MACROD2: variants seen among roughly 807,000 people sequenced by gnomAD.
MACROD2 encodes the protein ADP-ribose glycohydrolase MACROD2.
Under a neutral mutation model 70.4 loss-of-function variants are expected in MACROD2, and 36 were observed. The observed-to-expected ratio is 0.51, with a 90% CI of 0.39 to 0.68. The LOEUF (loss-of-function observed/expected upper bound fraction) is 0.68, where lower values mean the gene tolerates loss of function less well. Ranked by LOEUF, MACROD2 falls within the 30% of genes least tolerant of loss-of-function variation. The pLI is 0.00. For synonymous variants in MACROD2, 172 were observed against 178.8 expected, an observed-to-expected ratio of 0.96 and a Z score of 0.30; for missense variants, 496 against 538.4, an observed-to-expected ratio of 0.92 and a Z score of 0.78.
intron 3 of MACROD2, among the ~76,000 whole-genome samples, chr20:14,238,684 G>A (rs767209907): frequency 6.6e-6 from 1 of 152,004 alleles, no homozygotes; most frequent in South Asian, 2.1e-4. Context: ...AAAGCTCCTT[G>A]AGCTGATAAA....
chr20:14,504,883 C>T (rs1040689081), intron 4 of MACROD2, among the ~76,000 whole-genome samples: 7 of 152,090 alleles, frequency 4.6e-5, no homozygotes, highest in East Asian at 1.9e-4. Context: ...AATCATTATT[C>T]GGTGTACAAC....
chr20:15,204,748 A>G (rs2076686727), intron 5 of MACROD2, among the ~76,000 whole-genome samples: 1 of 152,132 alleles, frequency 6.6e-6, no homozygotes, highest in Non-Finnish European at 1.5e-5. Context: ...GTTGGAAAAC[A>G]TTTGTTAGGC....
chr20:15,450,166 T>C (rs1331272305), intron 7 of MACROD2, among the ~76,000 whole-genome samples: 2 of 152,096 alleles, frequency 1.3e-5, no homozygotes, highest in East Asian at 1.9e-4. Context: ...CTGTATATTA[T>C]ATATAGTATG....
intron 8 of MACROD2, among the ~76,000 whole-genome samples, chr20:15,556,490 A>G (rs2048171300): frequency 6.6e-6 from 1 of 152,128 alleles, no homozygotes; most frequent in Non-Finnish European, 1.5e-5. Flanking sequence ...GCAATTATAT[A>G]CTACTTTCTA....
intron 8 of MACROD2, among the ~76,000 whole-genome samples, chr20:15,843,649 A>AT (rs1308043068): frequency 6.6e-6 from 1 of 151,932 alleles, no homozygotes; most frequent in Non-Finnish European, 1.5e-5. Context: ...TCATGGTAGA[A>AT]TTTTTTTTGG....
chr20:15,808,547 A>G (rs1241124337), intron 8 of MACROD2, among the ~76,000 whole-genome samples: 2 of 152,094 alleles, frequency 1.3e-5, no homozygotes, highest in African/African-American at 2.4e-5. Context: ...TCAACTTACT[A>G]TTTTACTTAT....
At chr20:15,436,866 T>C (rs1018736724) in intron 7 of MACROD2, among the ~76,000 whole-genome samples, 4 of 152,190 alleles carry the variant, frequency 2.6e-5, no homozygotes, top group African/African-American at 9.7e-5. Flanking sequence ...TTAGAATCAT[T>C]TCCTGGTGGC....
intron 5 of MACROD2, among the ~76,000 whole-genome samples, chr20:14,749,919 AG>A (rs144859085): frequency 1.6e-4 from 24 of 152,226 alleles, no homozygotes; most frequent in African/African-American, 5.5e-4. Flanking sequence ...AGGGGCTAGG[AG>A]GATGGAGAAA....
chr20:14,561,786 G>T (rs1231515462), intron 4 of MACROD2, among the ~76,000 whole-genome samples: 1 of 151,786 alleles, frequency 6.6e-6, no homozygotes, highest in African/African-American at 2.4e-5. Flanking sequence ...ATGCTTTGAA[G>T]CATAATCTCT....
chr20:16,037,956 A>G (rs1359904475), intron 15 of MACROD2, among the ~76,000 whole-genome samples: 2 of 151,838 alleles, frequency 1.3e-5, no homozygotes, highest in Admixed American at 6.6e-5. Context: ...GGTAGGGGAA[A>G]CTATTTCTTC....
chr20:14,619,865 C>T (rs1983731212), intron 4 of MACROD2, among the ~76,000 whole-genome samples: 1 of 152,118 alleles, frequency 6.6e-6, no homozygotes, highest in Non-Finnish European at 1.5e-5. Context: ...TAGATGGGAG[C>T]TCTGTGCTGC....
At chr20:14,995,157 C>T (rs2122880842) in intron 5 of MACROD2, among the ~76,000 whole-genome samples, 1 of 151,958 alleles carries the variant, frequency 6.6e-6, no homozygotes, top group Non-Finnish European at 1.5e-5. Flanking sequence ...TTTGATAATG[C>T]AGTGTCAAGT....
intron 7 of MACROD2, among the ~76,000 whole-genome samples, chr20:15,469,324 G>A (rs1437981860): frequency 6.6e-6 from 1 of 152,174 alleles, no homozygotes; most frequent in East Asian, 1.9e-4. Context: ...TCATTTGCAG[G>A]AAGAAAAGAA....
At chr20:14,369,036 G>A (rs772649633) in intron 3 of MACROD2, among the ~76,000 whole-genome samples, 47 of 151,898 alleles carry the variant, frequency 3.1e-4, no homozygotes, top group Non-Finnish European at 6.2e-4. Flanking sequence ...TAAATTCTTC[G>A]GTATACATGA....
chr20:15,816,448 C>T (rs578064217), intron 8 of MACROD2, among the ~76,000 whole-genome samples: 25 of 151,936 alleles, frequency 1.6e-4, no homozygotes, highest in South Asian at 6.2e-4. Flanking sequence ...GCATAGTCTT[C>T]GAATTCTCAT....
At chr20:14,310,239 G>A (rs955748861) in intron 3 of MACROD2, among the ~76,000 whole-genome samples, 1 of 152,110 alleles carries the variant, frequency 6.6e-6, no homozygotes, top group African/African-American at 2.4e-5. Flanking sequence ...AATGACAGCA[G>A]TGTTGTAAAT....
intron 2 of MACROD2, among the ~76,000 whole-genome samples, chr20:14,045,619 A>G (rs1415524712): frequency 2.0e-5 from 3 of 152,214 alleles, no homozygotes; most frequent in Admixed American, 6.5e-5. Context: ...GTGCTTTCAT[A>G]TTAAAAAAAT....
chr20:15,231,961 A>G (rs2076962598), intron 6 of MACROD2, among the ~76,000 whole-genome samples: 1 of 152,076 alleles, frequency 6.6e-6, no homozygotes, highest in African/African-American at 2.4e-5. Flanking sequence ...AGAAATGTCC[A>G]ACGAAATTGA....
rs991182757 is a variant in MACROD2, at chr20:14,735,150, A to C, written c.418+50191A>C. 8.6e-5 allele frequency among the ~76,000 whole-genome samples: 13 copies of C among 152,044 alleles called. No homozygotes were observed. In the East Asian group the frequency reaches 2.1e-3, roughly 25 times the overall value. Reference sequence around the variant, plus strand: ...TAGATAAATTAGACGTTATTAAAACAAAAAAAGCCCTTTTGTGCCTCAAAC... The same window carrying C: ...TAGATAAATTAGACGTTATTAAAACCAAAAAAGCCCTTTTGTGCCTCAAAC... On this transcript the variant is annotated intron_variant, in intron 5 of 17. Coordinates refer to ENST00000684519, the MANE Select transcript of MACROD2 (RefSeq NM_001351661.2).
Sources: gnomAD v4.1 joint callset for allele counts (sites outside exome capture counted in the v4.1 genomes callset) on GRCh38, gnomAD v4.1.1 for gene constraint, MANE v1.5 for transcripts, NCBI Gene and HGNC (gene_info 2026-07-23, HGNC 2026-07-21) for gene names.